Variants in RALGPS1 observed in about 807,000 individuals in gnomAD.
The protein encoded by RALGPS1 is ras-specific guanine nucleotide-releasing factor RalGPS1.
RALGPS1 carries 19 observed loss-of-function variants against 78.8 expected under a neutral mutation model. The observed-to-expected ratio is 0.24, with a 90% CI of 0.17 to 0.35. The LOEUF is 0.35. RALGPS1 is among the 10% of genes least tolerant of loss of function. The probability of loss-of-function intolerance (pLI) is 1.00; values close to 1 mark genes in which losing one functional copy is unlikely to be tolerated. For missense variants in RALGPS1, 454 were observed against 688.3 expected, an observed-to-expected ratio of 0.66 and a Z score of 3.81; for synonymous variants, 228 against 256.3, an observed-to-expected ratio of 0.89 and a Z score of 1.06.
chr9:127,068,154 C>G (rs532562776), intron 7 of RALGPS1, among the ~76,000 whole-genome samples: 2 of 152,140 alleles, frequency 1.3e-5, no homozygotes, highest in Non-Finnish European at 2.9e-5. Context: ...CTAAGTTGCC[C>G]CTTCGATGAC....
intron 1 of RALGPS1, among the ~76,000 whole-genome samples, chr9:126,919,688 G>T (rs889333765): frequency 6.6e-6 from 1 of 152,168 alleles, no homozygotes; most frequent in African/African-American, 2.4e-5. Context: ...GCTTAAGAAG[G>T]ATGAGCTGCT....
At chr9:127,015,218 T>A (rs1353103020) in intron 4 of RALGPS1, among the ~76,000 whole-genome samples, 1 of 152,242 alleles carries the variant, frequency 6.6e-6, no homozygotes, top group East Asian at 1.9e-4. Flanking sequence ...GCCTGGGCTT[T>A]GGAGTGCAGA....
intron 8 of RALGPS1, among the ~76,000 whole-genome samples, chr9:127,097,339 G>T (rs935934200): frequency 1.3e-5 from 2 of 152,210 alleles, no homozygotes; most frequent in African/African-American, 4.8e-5. Flanking sequence ...ATCAAATTGT[G>T]TAGAAATGTT....
intron 8 of RALGPS1, among the ~76,000 whole-genome samples, chr9:127,082,876 C>G (rs900314773): frequency 1.3e-5 from 2 of 152,164 alleles, no homozygotes; most frequent in African/African-American, 2.4e-5. Flanking sequence ...AGTGAGAACC[C>G]TGTTGCCCCC....
chr9:127,110,972 C>T (rs192347898), intron 8 of RALGPS1, among the ~76,000 whole-genome samples: 61 of 152,174 alleles, frequency 4.0e-4, no homozygotes, highest in African/African-American at 1.2e-3. Flanking sequence ...AAAAGTCAAA[C>T]GGGGTCACTC....
intron 4 of RALGPS1, 50 bp downstream of exon 4, chr9:126,977,795 G>T (rs371118434): frequency 1.5e-6 from 2 of 1,373,474 alleles, no homozygotes; most frequent in Non-Finnish European, 2.0e-6. Context: ...GGTGGGCAGC[G>T]AGGATTTAGC....
At chr9:127,064,420 T>A (rs2049494228) in intron 7 of RALGPS1, among the ~76,000 whole-genome samples, 1 of 152,208 alleles carries the variant, frequency 6.6e-6, no homozygotes, top group Non-Finnish European at 1.5e-5. Context: ...ATTTAAAAAA[T>A]TAAACCTAAA....
At position 127,205,101 on chromosome 9, in the gene RALGPS1, G is replaced by A. The variant is rs1348637992; in HGVS notation, c.1247+6035G>A. 6.6e-6 allele frequency among the ~76,000 whole-genome samples: 1 copy of A among 152,238 alleles called. No individual in the cohort carries two copies. Among genetic ancestry groups the A allele is most frequent in the Non-Finnish European group, 1.5e-5 (1 of 68,040 alleles). ...GATCCCAGGCTCTCATTCTTCCCCT[G>A]AGTCTGGTGTCCTCGGGTTCATTCT... On this transcript the variant is annotated intron_variant, in intron 14 of 18. Transcript: ENST00000259351. This position sits in a 1 kb window ranked among gnomAD's most constrained non-coding sequence, Gnocchi z 4.0.
At chr9:127,006,205 C>T (rs901109561) in intron 4 of RALGPS1, among the ~76,000 whole-genome samples, 4 of 152,222 alleles carry the variant, frequency 2.6e-5, no homozygotes, top group African/African-American at 7.2e-5. Context: ...CAGGTAACTT[C>T]TGCTCAGCAA....
intron 4 of RALGPS1, among the ~76,000 whole-genome samples, chr9:127,022,343 C>T (rs562492149): frequency 5.5e-4 from 83 of 152,184 alleles, no homozygotes; most frequent in African/African-American, 1.9e-3. Context: ...TGCAAATATC[C>T]CGTGCACTTA....
intron 8 of RALGPS1, among the ~76,000 whole-genome samples, chr9:127,139,310 G>A (rs77202720): frequency 6.6e-6 from 1 of 152,206 alleles, no homozygotes; most frequent in Admixed American, 6.5e-5. Flanking sequence ...AGGAAGTTGT[G>A]AGTGCCAGGT....
chr9:127,114,365 TAAG>T (rs1482727799), intron 8 of RALGPS1, among the ~76,000 whole-genome samples: 2 of 152,202 alleles, frequency 1.3e-5, no homozygotes, highest in East Asian at 3.8e-4. Flanking sequence ...CACAAATTAA[TAAG>T]TAGTAGAGCC....
chr9:127,069,162 A>C (rs1276394686), intron 7 of RALGPS1, 68 bp from the exon 8 acceptor site: 23 of 1,418,164 alleles, frequency 1.6e-5, no homozygotes, highest in East Asian at 2.3e-5. Flanking sequence ...TTTAGTCTTC[A>C]TCCACAGTTA....
At chr9:126,989,804 T>C (rs187512519) in intron 4 of RALGPS1, 523 of 1,503,868 alleles carry the variant, frequency 3.5e-4, no homozygotes, top group Non-Finnish European at 4.4e-4. Flanking sequence ...TCTAGAGGGA[T>C]TCGATTTCAC....
intron 1 of RALGPS1, among the ~76,000 whole-genome samples, chr9:126,945,720 A>G (rs1162052518): frequency 6.6e-6 from 1 of 152,118 alleles, no homozygotes; most frequent in South Asian, 2.1e-4. Flanking sequence ...TTGCCATTAT[A>G]TCCTCAGGCC....
At chr9:127,165,293 G>T (rs2139590001) in intron 8 of RALGPS1, among the ~76,000 whole-genome samples, 1 of 152,382 alleles carries the variant, frequency 6.6e-6, no homozygotes, top group South Asian at 2.1e-4. Flanking sequence ...CGGCCCTGCA[G>T]CTAGTCAGCC....
At chr9:127,209,259 G>T (rs141229523) in intron 14 of RALGPS1, among the ~76,000 whole-genome samples, 379 of 152,384 alleles carry the variant, frequency 2.5e-3, no homozygotes, top group African/African-American at 8.7e-3. Flanking sequence ...TGCTGCTTCT[G>T]CATGGGCTAG....
In RALGPS1 at chr9:127,052,889, G is replaced by A; in HGVS notation, c.433G>A (p.Val145Ile). The A allele has an allele frequency of 6.2e-7, 1 of 1,610,910 alleles. No individual in the cohort carries two copies. Among genetic ancestry groups the A allele is most frequent in the Non-Finnish European group, 8.5e-7 (1 of 1,177,232 alleles). The change falls in exon 7 of 19, where the codon GTA becomes ATA. Residue 145 changes from valine to isoleucine, a missense_variant. By Grantham distance (29) the Val-to-Ile change is conservative. Coordinates refer to ENST00000259351, the MANE Select transcript of RALGPS1 (RefSeq NM_014636.3). Reference protein sequence around the residue: ...LNNLHSLMSVVSALQSAPIFR... With the variant: ...LNNLHSLMSVISALQSAPIFR... ...CAACCTTCATTCTCTCATGTCTGTG[G>A]TATCAGCATTACAAAGTGCTCCCAT...
intron 1 of RALGPS1, among the ~76,000 whole-genome samples, chr9:126,949,598 G>T (rs2037614341): frequency 6.6e-6 from 1 of 152,198 alleles, no homozygotes; most frequent in Non-Finnish European, 1.5e-5. Context: ...TCTTTTGGCT[G>T]CATAAATGTC....
Sources: gnomAD v4.1 joint callset for allele counts (sites outside exome capture counted in the v4.1 genomes callset) on GRCh38, gnomAD v4.1.1 for gene constraint, Gnocchi (gnomAD v3.1) non-coding constraint, MANE v1.5 for transcripts, NCBI Gene and HGNC (gene_info 2026-07-23, HGNC 2026-07-21) for gene names.